Variants in NOTCH1 observed in about 807,000 individuals in gnomAD.
NOTCH1 encodes notch receptor 1, also known as neurogenic locus notch homolog protein 1.
In NOTCH1, 37 loss-of-function variants were observed where a neutral mutation model predicts 254.8. The ratio of observed to expected loss-of-function variants is 0.15; its 90% CI spans 0.11 to 0.19. NOTCH1 has a LOEUF of 0.19. NOTCH1 is among the 10% of genes least tolerant of loss of function. NOTCH1 has a pLI of 1.00. For missense variants in NOTCH1, 2,972 were observed against 3,708.6 expected (o/e 0.80, Z 5.16); for synonymous variants, 1,731 against 1,618.1 (o/e 1.07, Z -1.68).
chr9:136,511,853 C>T (rs763546486), intron 15 of NOTCH1, among the ~76,000 whole-genome samples: 2 of 152,240 alleles, frequency 1.3e-5, no homozygotes, highest in African/African-American at 2.4e-5. Flanking sequence ...ACCTCCAGGG[C>T]CACGCAGGGT....
chr9:136,515,240 C>T (rs996118676), intron 12 of NOTCH1, 50 bp downstream of exon 12: 1 of 1,570,084 alleles, frequency 6.4e-7, no homozygotes, highest in Admixed American at 1.7e-5. Context: ...AGTGGCTGAC[C>T]TTGACCTCTG....
Position 136,497,412 on chromosome 9 carries a change from G to T in NOTCH1, c.6327C>A (p.Ile2109=). The change falls in exon 34 of 34, where the codon ATC becomes ATA. Residue 2109 remains isoleucine, a synonymous_variant. Coordinates refer to ENST00000651671, the MANE Select transcript of NOTCH1 (RefSeq NM_017617.5). ...DIAQERMHHD[I]VRLLDEYNLV... The stretch of plus-strand genomic sequence containing the variant: ...GGTTGTACTCGTCCAGCAGCCTCAC[G>T]ATGTCGTGATGCATGCGCTCCTGTG... 1 of 1,611,512 alleles carries T rather than the reference G, an allele frequency of 6.2e-7. No homozygotes were observed. The highest frequency in any genetic ancestry group is 8.5e-7 in the Non-Finnish European group (1 of 1,179,906).
At chr9:136,543,687 G>A in intron 2 of NOTCH1, 1 of 458,358 alleles carries the variant, frequency 2.2e-6, no homozygotes, top group Non-Finnish European at 4.0e-6. Flanking sequence ...GGGCCTCTCA[G>A]TAAATGGTCC....
rs372751855 is a variant in NOTCH1, at chr9:136,517,900, G to A, written c.1293C>T (p.Asn431=). 2 of 1,612,108 alleles carry A rather than the reference G, an allele frequency of 1.2e-6. No homozygotes were observed. Among genetic ancestry groups the A allele is most frequent in the East Asian group, 2.2e-5 (1 of 44,872 alleles). ...ACTGGCACTCGAAGGAGCCCAGCGT[G>A]TTGATGCACTTGCCCGCATGCTCGC... The part of the protein sequence containing the change: ...NPCEHAGKCI[N]TLGSFECQCL... Residue 431 remains asparagine (N), a synonymous_variant, in exon 8 of 34, where the codon AAC becomes AAT. Transcript: ENST00000651671.
chr9:136,498,830 G>A (rs1320580306), intron 33 of NOTCH1, 69 bp downstream of exon 33: 3 of 1,562,640 alleles, frequency 1.9e-6, no homozygotes, highest in Non-Finnish European at 2.6e-6. Flanking sequence ...TGCGCCCCGT[G>A]GGTTTGGCCC....
chr9:136,541,402 C>T (rs558752235), intron 2 of NOTCH1, among the ~76,000 whole-genome samples: 1 of 152,218 alleles, frequency 6.6e-6, no homozygotes, highest in African/African-American at 2.4e-5. Flanking sequence ...GACCATGCCC[C>T]TTCTACAGCG....
chr9:136,534,816 A>G (rs901052051), intron 2 of NOTCH1, among the ~76,000 whole-genome samples: 82 of 150,274 alleles, frequency 5.5e-4, no homozygotes, highest in Admixed American at 1.2e-3. Flanking sequence ...AGCACATCAG[A>G]GCCCCCCAGT....
At position 136,500,645 on chromosome 9, in the gene NOTCH1, C is replaced by T. The variant is rs2133325890; in HGVS notation, c.5841G>A (p.Leu1947=). 6.2e-7 allele frequency: 1 copy of T among 1,611,952 alleles called. No homozygotes were observed. ...TGTTGGCATCTGCGCTGGCCTCCAG[C>T]AGGCGCTTGGCGGCATCAGAGCGTG... ...RYSRSDAAKR[L]LEASADANIQ... The change falls in exon 31 of 34, where the codon CTG becomes CTA. Residue 1947 remains leucine (L), a synonymous_variant. Coordinates refer to ENST00000651671, the MANE Select transcript of NOTCH1 (RefSeq NM_017617.5).
chr9:136,494,999 G>A lies in NOTCH1; in HGVS notation c.*1072C>T, dbSNP rs1842894563. The A allele has an allele frequency of 2.5e-6, 1 of 398,812 alleles. No individual in the cohort carries two copies. Among genetic ancestry groups the A allele is most frequent in the South Asian group, 1.3e-4 (1 of 7,862 alleles). The allele number at this position is 398,812 out of a possible 1,614,324, so 24.7% of individuals were successfully genotyped here. A position where few individuals can be genotyped will look rare whatever the true frequency, so the allele number is the denominator to read the frequency against. ...AGCCCACGGCGTTGCACAGCTCAAT[G>A]TGCCCGGCTCTGGCAAGTCTCCTAC... On this transcript the variant is annotated 3_prime_UTR_variant, in exon 34 of 34. Transcript: ENST00000651671.
rs142510811 is a variant in NOTCH1, at chr9:136,517,957, G to A, written c.1256-20C>T. 4 of 1,605,978 alleles carry A rather than the reference G, an allele frequency of 2.5e-6. No individual in the cohort carries two copies. Among genetic ancestry groups the A allele is most frequent in the Middle Eastern group, 1.7e-4 (1 of 5,948 alleles). Reference sequence around the variant, plus strand: ...TGGCACCTGGCGAGGGCACACGGGTGAGAGGCTGCTCCAGGCACCCTGGCC... The same window carrying A: ...TGGCACCTGGCGAGGGCACACGGGTAAGAGGCTGCTCCAGGCACCCTGGCC... On this transcript the variant is annotated intron_variant, in intron 7 of 33. Coordinates refer to ENST00000651671, the MANE Select transcript of NOTCH1 (RefSeq NM_017617.5).
rs2133336470 is a variant in NOTCH1 at position 136,504,851 on chromosome 9, G to C, written c.4840C>G (p.Gln1614Glu). The C allele has an allele frequency of 6.3e-7, 1 of 1,581,308 alleles. No individual in the cohort carries two copies. Among genetic ancestry groups the C allele is most frequent in the Non-Finnish European group, 8.6e-7 (1 of 1,164,172 alleles). ...VVFKRDAHGQ[Q>E]MIFPYYGREE... ...CGGCCGTAGTAGGGGAAGATCATCT[G>C]CTGGCCGTGTGCGTCACGCTTGAAG... Residue 1614 changes from glutamine (Q) to glutamate (E), a missense_variant, in exon 26 of 34, where the codon CAG becomes GAG. Coordinates refer to ENST00000651671, the MANE Select transcript of NOTCH1 (RefSeq NM_017617.5).
chr9:136,508,389 G>A lies in NOTCH1; in HGVS notation c.3172-4C>T, dbSNP rs751720939. 1 of 1,613,156 alleles carries A rather than the reference G, an allele frequency of 6.2e-7. No homozygotes were observed. Among genetic ancestry groups the A allele is most frequent in the Admixed American group, 1.7e-5 (1 of 60,026 alleles). ...AGTCACACCAGTGCACAAGGTTCTG[G>A]GGACAGATTGGGGTCAGCTGGGTGC... On this transcript the variant is annotated splice_polypyrimidine_tract_variant and splice_region_variant and intron_variant, in intron 19 of 33. Transcript: ENST00000651671.
At chr9:136,508,672 G>T (rs1254542475) in intron 19 of NOTCH1, among the ~76,000 whole-genome samples, 198 bp downstream of exon 19, 3 of 152,258 alleles carry the variant, frequency 2.0e-5, no homozygotes, top group Admixed American at 6.5e-5. Flanking sequence ...AGAAACCTGG[G>T]ATTGAAACGA....
At chr9:136,527,647 C>T (rs1215572103) in intron 2 of NOTCH1, among the ~76,000 whole-genome samples, 4 of 152,208 alleles carry the variant, frequency 2.6e-5, no homozygotes, top group Admixed American at 2.0e-4. Flanking sequence ...ACCCAGCTCT[C>T]GGGCTCCCAC....
rs778467768 is a variant in NOTCH1, at chr9:136,505,270, T to G, written c.4586+40A>C. On this transcript the variant is annotated intron_variant, in intron 25 of 33. Coordinates refer to ENST00000651671, the MANE Select transcript of NOTCH1 (RefSeq NM_017617.5). Reference sequence around the variant, plus strand: ...GGGCCCAAGCCAGGCCACATCCAAGTTCAGGTCCTCCCTCAGCCCCATGAG... The same window carrying G: ...GGGCCCAAGCCAGGCCACATCCAAGGTCAGGTCCTCCCTCAGCCCCATGAG... 2.0e-5 allele frequency: 31 copies of G among 1,547,564 alleles called. No homozygotes were observed. In the Admixed American group the frequency reaches 5.7e-4, roughly 28 times the overall value.
At position 136,545,765 on chromosome 9, in the gene NOTCH1, G is replaced by A; in HGVS notation, c.22C>T (p.Leu8=). 7.3e-7 allele frequency: 1 copy of A among 1,369,938 alleles called. No homozygotes were observed. The highest frequency in any genetic ancestry group is 9.4e-7 in the Non-Finnish European group (1 of 1,061,308). The allele number at this position is 1,369,938 out of a possible 1,614,324, so 84.9% of individuals were successfully genotyped here. The part of the protein sequence containing the change: MPPLLAP[L]LCLALLPALA... ...GCGGGCAGCAGCGCCAGGCAGAGCA[G>A]GGGCGCCAGGAGCGGCGGCATGCCT... is the stretch of plus-strand genomic sequence containing the variant. Residue 8 remains leucine (L), a synonymous_variant, in exon 1 of 34, where the codon CTG becomes TTG. Transcript: ENST00000651671. This position sits in a 1 kb window ranked among gnomAD's most constrained non-coding sequence, Gnocchi z 6.8.
At chr9:136,522,260 A>G (rs1256992985) in intron 4 of NOTCH1, among the ~76,000 whole-genome samples, 2 of 152,180 alleles carry the variant, frequency 1.3e-5, no homozygotes, top group African/African-American at 2.4e-5. Flanking sequence ...TACAGGCGTG[A>G]GCCACCACGC....
At chr9:136,508,498 A>C in intron 19 of NOTCH1, 113 bp from the exon 20 acceptor site, 1 of 1,490,958 alleles carries the variant, frequency 6.7e-7, no homozygotes, top group Non-Finnish European at 9.2e-7. Context: ...CCCATTCTAC[A>C]GAAGTGGAAA....
Position 136,519,708 on chromosome 9 carries a change from C to A in NOTCH1, c.743-143G>T. The A allele has an allele frequency of 3.4e-6, 4 of 1,181,576 alleles. No individual in the cohort carries two copies. The South Asian group carries it at 3.7e-5, about 11-fold the overall frequency. 73.2% of individuals were successfully genotyped at this position (1,181,576 alleles called of 1,614,324 possible). ...CCCCGGGGTCTGTGCCCGTCCCCTG[C>A]CTCACTCCAGTGCCCAGAGGGACAC... On this transcript the variant is annotated intron_variant, in intron 4 of 33. Transcript: ENST00000651671.
Sources: gnomAD v4.1 joint callset for allele counts (sites outside exome capture counted in the v4.1 genomes callset) on GRCh38, gnomAD v4.1.1 for gene constraint, Gnocchi (gnomAD v3.1) non-coding constraint, MANE v1.5 for transcripts, NCBI Gene and HGNC (gene_info 2026-07-23, HGNC 2026-07-21) for gene names.